The following OPCML variants were observed in gnomAD, a reference collection of about 807,000 sequenced individuals.
The protein encoded by OPCML is opioid-binding protein/cell adhesion molecule.
Under a neutral mutation model 37.8 loss-of-function variants are expected in OPCML, and 13 were observed. The observed-to-expected ratio is 0.34, with a 90% CI of 0.22 to 0.55. The LOEUF (loss-of-function observed/expected upper bound fraction) is 0.55, where lower values mean the gene tolerates loss of function less well. Among genes scored for constraint, OPCML ranks in the 20% least tolerant of loss-of-function variants. The pLI, the probability that OPCML is intolerant of heterozygous loss-of-function variation, is 0.91. For synonymous variants in OPCML, 176 were observed against 168.8 expected (o/e 1.04, Z -0.33); for missense variants, 341 against 435.6 (o/e 0.78, Z 1.93).
chr11:132,614,700 A>G (rs547982095), intron 3 of OPCML, among the ~76,000 whole-genome samples: 89 of 152,342 alleles, frequency 5.8e-4, no homozygotes, highest in African/African-American at 1.8e-3. Context: ...TTCAATCTAT[A>G]TTCACAGGTA....
At chr11:132,723,724 T>C (rs1944764834) in intron 2 of OPCML, among the ~76,000 whole-genome samples, 1 of 152,252 alleles carries the variant, frequency 6.6e-6, no homozygotes, top group Non-Finnish European at 1.5e-5. Context: ...CCAGGCACTG[T>C]TGTTAACTGC....
chr11:133,400,218 G>A (rs1366096859), intron 1 of OPCML, among the ~76,000 whole-genome samples: 1 of 152,186 alleles, frequency 6.6e-6, no homozygotes, highest in Non-Finnish European at 1.5e-5. Context: ...ATGCAAATTT[G>A]TAGAATGTTC....
intron 2 of OPCML, among the ~76,000 whole-genome samples, chr11:132,914,957 A>G (rs1454394445): frequency 6.6e-6 from 1 of 152,224 alleles, no homozygotes; most frequent in African/African-American, 2.4e-5. Flanking sequence ...TATATAACCA[A>G]TCACATTGCC....
intron 1 of OPCML, among the ~76,000 whole-genome samples, chr11:133,449,704 C>T (rs1946541541): frequency 6.6e-6 from 1 of 151,644 alleles, no homozygotes. Flanking sequence ...CCTATGAGAA[C>T]ACTTGTCATT....
rs1359960419 is a variant in OPCML at position 132,703,920 on chromosome 11, A to G, written c.147-46601T>C. On this transcript the variant is annotated intron_variant, in intron 2 of 7. Coordinates refer to ENST00000524381, the MANE Select transcript of OPCML (RefSeq NM_001012393.5). ...CAAGGATGGGCCTTGTTCTGATTCT[A>G]TGAAGGTGACTTGGTACTGGGGTCC... Among the ~76,000 whole-genome samples, 3 of 152,164 alleles carry G rather than the reference A, an allele frequency of 2.0e-5. No homozygotes were observed. In the East Asian group the frequency reaches 5.8e-4, roughly 29 times the overall value.
In OPCML at chr11:133,481,634, A is replaced by G. The variant is rs150603627; in HGVS notation, c.61+50630T>C. Among the ~76,000 whole-genome samples, 244 of 152,288 alleles carry G rather than the reference A, an allele frequency of 1.6e-3. 2 individuals are homozygous for G. The highest frequency in any genetic ancestry group is 5.5e-3 in the African/African-American group (229 of 41,564). ...GTTTATTGATAGGTTTTATTCCACT[A>G]TGAAAAATAGGCTATGACTACACTA... On this transcript the variant is annotated intron_variant, in intron 1 of 7. Coordinates refer to ENST00000524381, the MANE Select transcript of OPCML (RefSeq NM_001012393.5).
At chr11:132,610,834 C>T (rs1938595853) in intron 3 of OPCML, among the ~76,000 whole-genome samples, 1 of 152,134 alleles carries the variant, frequency 6.6e-6, no homozygotes, top group Admixed American at 6.5e-5. Flanking sequence ...AAACATTTTC[C>T]ATAGAAAATT....
chr11:133,502,828 C>T lies in OPCML; in HGVS notation c.61+29436G>A, dbSNP rs139644912. On this transcript the variant is annotated intron_variant, in intron 1 of 7. Coordinates refer to ENST00000524381, the MANE Select transcript of OPCML (RefSeq NM_001012393.5). ...AGAATTCCTGAGATGGTAATGGCAACACTTGAGCCCCTCACCTATGACAGA... is the reference window on the plus strand; with the variant it reads ...AGAATTCCTGAGATGGTAATGGCAATACTTGAGCCCCTCACCTATGACAGA... Among the ~76,000 whole-genome samples, 8 of 152,264 alleles carry T rather than the reference C, an allele frequency of 5.3e-5. No homozygotes were observed. In the East Asian group the frequency reaches 1.6e-3, roughly 30 times the overall value.
chr11:133,488,051 G>A (rs1302426238), intron 1 of OPCML, among the ~76,000 whole-genome samples: 1 of 151,876 alleles, frequency 6.6e-6, no homozygotes, highest in African/African-American at 2.4e-5. Flanking sequence ...TGCAGAAAAG[G>A]GTAAAATTCA....
chr11:132,429,443 G>T (rs2095989048), intron 7 of OPCML, among the ~76,000 whole-genome samples: 1 of 152,166 alleles, frequency 6.6e-6, no homozygotes, highest in South Asian at 2.1e-4. Context: ...GCCATTTGGT[G>T]GGACTTGATG....
At chr11:133,119,225 G>A (rs1294313084) in intron 1 of OPCML, among the ~76,000 whole-genome samples, 1 of 151,878 alleles carries the variant, frequency 6.6e-6, no homozygotes, top group Non-Finnish European at 1.5e-5. Flanking sequence ...GAGGGCTCAG[G>A]CACAGCTCCT....
intron 1 of OPCML, among the ~76,000 whole-genome samples, chr11:132,944,386 TC>T (rs1010009823): frequency 3.4e-4 from 52 of 152,050 alleles, no homozygotes; most frequent in African/African-American, 1.3e-3. Flanking sequence ...TGCGAACGGC[TC>T]CCCGCCCAGC....
chr11:133,217,607 T>G (rs1337569516), intron 1 of OPCML, among the ~76,000 whole-genome samples: 1 of 152,162 alleles, frequency 6.6e-6, no homozygotes, highest in African/African-American at 2.4e-5. Context: ...TGCCTGTGCA[T>G]TTCCTTGCTT....
At chr11:132,619,602 G>A (rs1939269109) in intron 3 of OPCML, among the ~76,000 whole-genome samples, 1 of 151,692 alleles carries the variant, frequency 6.6e-6, no homozygotes, top group Non-Finnish European at 1.5e-5. Flanking sequence ...CACTTTGGGA[G>A]GCCGAGGCAG....
In OPCML at chr11:132,850,714, A is replaced by G. The variant is rs577575694; in HGVS notation, c.146+92212T>C. Among the ~76,000 whole-genome samples, 4 of 152,276 alleles carry G rather than the reference A, an allele frequency of 2.6e-5. No homozygotes were observed. In the South Asian group the frequency reaches 8.3e-4, roughly 32 times the overall value. On this transcript the variant is annotated intron_variant, in intron 2 of 7. Coordinates refer to ENST00000524381, the MANE Select transcript of OPCML (RefSeq NM_001012393.5). ...TAATTAAGCTTATTATAGCTTTCCC[A>G]CCTCCTAAACCTCAGTCAACTAAGC...
intron 1 of OPCML, among the ~76,000 whole-genome samples, chr11:133,376,073 T>C (rs1390134084): frequency 3.3e-5 from 5 of 149,846 alleles, no homozygotes; most frequent in Non-Finnish European, 7.4e-5. Flanking sequence ...GAGAATAATC[T>C]GGATTTAAGC....
intron 1 of OPCML, among the ~76,000 whole-genome samples, chr11:133,405,987 T>C (rs1294841571): frequency 1.3e-5 from 2 of 152,192 alleles, no homozygotes; most frequent in African/African-American, 4.8e-5. Context: ...CTTCAGTTTG[T>C]TTCTATTGCT....
Position 132,700,261 on chromosome 11 carries a change from A to G in OPCML, c.147-42942T>C, listed in dbSNP as rs1943755455. 2.6e-5 allele frequency among the ~76,000 whole-genome samples: 4 copies of G among 151,934 alleles called. No individual in the cohort carries two copies. In the South Asian group the frequency reaches 8.3e-4, roughly 31 times the overall value. ...CTTTTAAAAAACAACTCTGTTTTAA[A>G]TTGTTTATTGTTTTCAGTCTTTATT... is the stretch of plus-strand genomic sequence containing the variant. On this transcript the variant is annotated intron_variant, in intron 2 of 7. Transcript: ENST00000524381.
At chr11:132,462,206 C>T (rs2096104573) in intron 4 of OPCML, among the ~76,000 whole-genome samples, 1 of 152,052 alleles carries the variant, frequency 6.6e-6, no homozygotes, top group African/African-American at 2.4e-5. Context: ...GGAAGAATCC[C>T]CCCACCGCAC....
Sources: allele counts gnomAD v4.1 joint callset (sites outside exome capture counted in the v4.1 genomes callset), GRCh38; gene constraint gnomAD v4.1.1; transcripts MANE v1.5; gene names NCBI Gene and HGNC (gene_info 2026-07-23, HGNC 2026-07-21).